The following NHSL1 variants were observed in gnomAD, a reference collection of about 807,000 sequenced individuals.
NHSL1 encodes NHS-like protein 1.
A neutral mutation model predicts 95.0 loss-of-function variants in NHSL1; 48 were observed. That is an observed-to-expected ratio of 0.51 (90% CI 0.40 to 0.64). NHSL1 has a LOEUF of 0.64. Among genes scored for constraint, NHSL1 ranks in the 30% least tolerant of loss-of-function variants. The pLI is 0.00. For synonymous variants in NHSL1, 783 were observed against 833.9 expected, an observed-to-expected ratio of 0.94 and a Z score of 1.05; for missense variants, 1,971 against 2,077.7, an observed-to-expected ratio of 0.95 and a Z score of 1.00.
intron 2 of NHSL1, among the ~76,000 whole-genome samples, chr6:138,478,007 T>G (rs149266062): frequency 6.9e-6 from 1 of 144,360 alleles, no homozygotes; most frequent in African/African-American, 2.5e-5. Context: ...ATGAAATTTA[T>G]GTCACTTTTT....
chr6:138,577,692 A>G (rs1261698273), intron 1 of NHSL1, among the ~76,000 whole-genome samples: 1 of 152,106 alleles, frequency 6.6e-6, no homozygotes, highest in East Asian at 1.9e-4. Flanking sequence ...CCTTTAGCTT[A>G]GGACAGCGTA....
chr6:138,586,885 C>G (rs1427001698), intron 1 of NHSL1, among the ~76,000 whole-genome samples: 4 of 151,840 alleles, frequency 2.6e-5, no homozygotes, highest in Non-Finnish European at 4.4e-5. Context: ...TCATTCTCAC[C>G]CATGGCTGAA....
At chr6:138,439,573 G>A (rs189378428) in intron 5 of NHSL1, among the ~76,000 whole-genome samples, 387 of 152,296 alleles carry the variant, frequency 2.5e-3, no homozygotes, top group Non-Finnish European at 5.1e-3. Flanking sequence ...AAATAAAACT[G>A]TATACAAATG....
At chr6:138,471,411 T>G (rs984119869) in intron 3 of NHSL1, among the ~76,000 whole-genome samples, 2 of 152,138 alleles carry the variant, frequency 1.3e-5, no homozygotes, top group African/African-American at 2.4e-5. Context: ...CTGGTTTTCA[T>G]TTTCCACTCA....
intron 1 of NHSL1, among the ~76,000 whole-genome samples, chr6:138,589,867 AC>A (rs1784198751): frequency 1.3e-5 from 2 of 152,190 alleles, no homozygotes; most frequent in African/African-American, 4.8e-5. Flanking sequence ...TGGCCCTTGC[AC>A]CTTGGCATCC....
intron 1 of NHSL1, among the ~76,000 whole-genome samples, chr6:138,505,790 G>A (rs752899558): frequency 5.9e-5 from 9 of 152,062 alleles, no homozygotes; most frequent in South Asian, 2.1e-4. Context: ...TTAAATGACC[G>A]TTTGAAATGC....
intron 1 of NHSL1, among the ~76,000 whole-genome samples, chr6:138,677,779 T>G (rs779983186): frequency 1.3e-5 from 2 of 152,190 alleles, no homozygotes; most frequent in African/African-American, 4.8e-5. Context: ...TAGAATCACC[T>G]GGAGGACTCT....
chr6:138,539,053 A>G (rs1385918446), intron 1 of NHSL1, among the ~76,000 whole-genome samples: 1 of 152,222 alleles, frequency 6.6e-6, no homozygotes, highest in Non-Finnish European at 1.5e-5. Context: ...TTCTAAATGT[A>G]ATCTAAGTTA....
intron 7 of NHSL1, among the ~76,000 whole-genome samples, chr6:138,426,167 A>C (rs534913764): frequency 6.6e-6 from 1 of 152,360 alleles, no homozygotes; most frequent in African/African-American, 2.4e-5. Context: ...CAACACAGTT[A>C]ATAGAATAAA....
chr6:138,615,831 C>T (rs909691881), intron 1 of NHSL1, among the ~76,000 whole-genome samples: 1 of 152,196 alleles, frequency 6.6e-6, no homozygotes, highest in Non-Finnish European at 1.5e-5. Context: ...CAAACGGATA[C>T]CAACTGAATG....
At chr6:138,660,080 C>A (rs774344966) in intron 1 of NHSL1, among the ~76,000 whole-genome samples, 2 of 152,186 alleles carry the variant, frequency 1.3e-5, no homozygotes, top group Non-Finnish European at 2.9e-5. Flanking sequence ...ACCTCACATT[C>A]CTCTTACTCC....
chr6:138,449,544 G>A (rs562546755), intron 3 of NHSL1, among the ~76,000 whole-genome samples: 8 of 152,222 alleles, frequency 5.3e-5, no homozygotes, highest in African/African-American at 1.9e-4. Flanking sequence ...GGGCGTGGTG[G>A]TGTGCACCCA....
chr6:138,622,504 CA>C (rs1167066952), intron 1 of NHSL1, among the ~76,000 whole-genome samples: 1 of 151,984 alleles, frequency 6.6e-6, no homozygotes, highest in Admixed American at 6.6e-5. Flanking sequence ...AAGAAAAAAA[CA>C]ATAACCTTTT....
chr6:138,499,838 G>A (rs1780578155), upstream of NHSL1, among the ~76,000 whole-genome samples: 1 of 152,052 alleles, frequency 6.6e-6, no homozygotes, highest in Non-Finnish European at 1.5e-5. Flanking sequence ...TGATTTAGGG[G>A]GGAAAAAAAC....
intron 1 of NHSL1, among the ~76,000 whole-genome samples, chr6:138,561,003 T>C (rs1320484180): frequency 6.6e-6 from 1 of 152,256 alleles, no homozygotes; most frequent in Non-Finnish European, 1.5e-5. Flanking sequence ...TGCTTGTGGC[T>C]TTTATTAATA....
At chr6:138,510,619 A>T (rs1032557767) in intron 1 of NHSL1, among the ~76,000 whole-genome samples, 11 of 152,224 alleles carry the variant, frequency 7.2e-5, no homozygotes, top group Admixed American at 1.3e-4. Flanking sequence ...GCTCAGCCTG[A>T]CCTAAGATGA....
chr6:138,591,352 T>G (rs544342381), intron 1 of NHSL1, among the ~76,000 whole-genome samples: 1 of 152,358 alleles, frequency 6.6e-6, no homozygotes, highest in Non-Finnish European at 1.5e-5. Context: ...TACCTGAGGT[T>G]AACTGTGGTC....
chr6:138,450,816 T>C (rs1026602451), intron 3 of NHSL1, among the ~76,000 whole-genome samples: 1 of 152,140 alleles, frequency 6.6e-6, no homozygotes, highest in African/African-American at 2.4e-5. Context: ...ACTTCCACAA[T>C]GATATGACTT....
At chr6:138,673,643 C>A (rs572541745) in intron 1 of NHSL1, among the ~76,000 whole-genome samples, 1 of 152,178 alleles carries the variant, frequency 6.6e-6, no homozygotes, top group South Asian at 2.1e-4. Flanking sequence ...AAAAATGTGA[C>A]CTCTCATTAC....
Sources: allele counts gnomAD v4.1 joint callset (sites outside exome capture counted in the v4.1 genomes callset), GRCh38; gene constraint gnomAD v4.1.1; transcripts MANE v1.5; gene names NCBI Gene and HGNC (gene_info 2026-07-23, HGNC 2026-07-21).